KRT86: variants seen among roughly 807,000 people sequenced by gnomAD.
KRT86 encodes keratin 86.
KRT86 carries 30 observed loss-of-function variants against 41.2 expected under a neutral mutation model. That is an observed-to-expected ratio of 0.73 (90% CI 0.54 to 0.99). The LOEUF is 0.99. Ranked by LOEUF, KRT86 falls within the 50% of genes least tolerant of loss-of-function variation. The pLI is 0.00. For synonymous variants in KRT86, 238 were observed against 238.1 expected (o/e 1.00, Z 0.00); for missense variants, 561 against 571.4 (o/e 0.98, Z 0.19).
intron 2 of KRT86, among the ~76,000 whole-genome samples, chr12:52,280,859 A>G (rs1196857379): frequency 6.6e-6 from 1 of 152,122 alleles, no homozygotes; most frequent in Non-Finnish European, 1.5e-5. Context: ...TGCTATGATG[A>G]TCATGTCAAC....
At chr12:52,291,479 G>C in intron 2 of KRT86, 3 of 1,612,568 alleles carry the variant, frequency 1.9e-6, no homozygotes, top group East Asian at 2.2e-5. Context: ...CCTCCTGGAC[G>C]TTTGGGTTGC....
chr12:52,282,483 G>A (rs1260144530), intron 2 of KRT86, among the ~76,000 whole-genome samples: 3 of 152,116 alleles, frequency 2.0e-5, no homozygotes, highest in East Asian at 1.9e-4. Flanking sequence ...TGATCCGCCC[G>A]CCTCAGCCTC....
chr12:52,277,006 T>C (rs973790656), intron 2 of KRT86, among the ~76,000 whole-genome samples: 3 of 152,072 alleles, frequency 2.0e-5, no homozygotes, highest in Non-Finnish European at 4.4e-5. Context: ...AGTGAGTGGG[T>C]GGGCCATCAT....
At chr12:52,291,642 G>T in intron 2 of KRT86, 1 of 895,260 alleles carries the variant, frequency 1.1e-6, no homozygotes, top group Non-Finnish European at 1.7e-6. Context: ...TGGTTAGCCG[G>T]GTCTAACGCC....
At chr12:52,285,670 T>C (rs1937902258) in intron 2 of KRT86, among the ~76,000 whole-genome samples, 1 of 152,214 alleles carries the variant, frequency 6.6e-6, no homozygotes, top group South Asian at 2.1e-4. Flanking sequence ...GCCCCAATTA[T>C]TGAGTGCCTC....
chr12:52,291,628 T>C, intron 2 of KRT86: 1 of 1,136,510 alleles, frequency 8.8e-7, no homozygotes, highest in African/African-American at 1.6e-5. Flanking sequence ...TTTATGGGCT[T>C]GGGTGGTTAG....
chr12:52,304,735 A>T (rs577190516), intron 5 of KRT86, among the ~76,000 whole-genome samples, 197 bp from the exon 6 acceptor site: 2 of 151,952 alleles, frequency 1.3e-5, no homozygotes, highest in South Asian at 4.2e-4. Context: ...AGCCGTGCCC[A>T]AGACAAACAG....
At chr12:52,307,427 G>A (rs1470356653) in intron 9 of KRT86, among the ~76,000 whole-genome samples, 2 of 152,212 alleles carry the variant, frequency 1.3e-5, no homozygotes, top group African/African-American at 4.8e-5. Flanking sequence ...ACCTGGGCAT[G>A]GAATGATTTG....
rs750775368 is a variant in KRT86 at position 52,305,683 on chromosome 12, G to A, written c.921G>A (p.Thr307=). ...CCCAGTGTGAGGAGATGAAGGCCAC[G>A]GTGATCAGGCACGGGGAGACCCTGC... is the stretch of plus-strand genomic sequence containing the variant. The part of the protein sequence containing the change: ...YRSKCEEMKA[T]VIRHGETLRR... The change falls in exon 8 of 11, where the codon ACG becomes ACA. Residue 307 remains threonine, a synonymous_variant. Coordinates refer to ENST00000423955, the MANE Select transcript of KRT86 (RefSeq NM_001320198.2). 18 of 1,614,078 alleles carry A rather than the reference G, an allele frequency of 1.1e-5. No homozygotes were observed. Among genetic ancestry groups the A allele is most frequent in the Middle Eastern group, 1.7e-4 (1 of 6,058 alleles).
At chr12:52,291,340 G>A (rs1938113863) in intron 2 of KRT86, 10 of 1,571,700 alleles carry the variant, frequency 6.4e-6, no homozygotes, top group African/African-American at 1.4e-5. Context: ...CGAAGCCCCC[G>A]GTGAGGCCGC....
At chr12:52,278,221 TCAC>T (rs1394002047) in intron 2 of KRT86, among the ~76,000 whole-genome samples, 2 of 151,992 alleles carry the variant, frequency 1.3e-5, no homozygotes, top group East Asian at 3.9e-4. Flanking sequence ...ATTGCATTGA[TCAC>T]CTCCTTTAAC....
intron 10 of KRT86, 25 bp from the exon 11 acceptor site, chr12:52,308,379 G>T (rs866999437): frequency 6.2e-7 from 1 of 1,611,150 alleles, no homozygotes; most frequent in African/African-American, 1.3e-5. Context: ...CGCCTGACGC[G>T]CGCCTCCGTC....
At chr12:52,286,334 C>G in intron 2 of KRT86, 2 of 1,554,924 alleles carry the variant, frequency 1.3e-6, no homozygotes, top group Non-Finnish European at 8.7e-7. Flanking sequence ...GCAGGAACCC[C>G]CTCCGCAGGT....
intron 2 of KRT86, chr12:52,286,956 ACT>A: frequency 9.1e-6 from 14 of 1,541,682 alleles, no homozygotes; most frequent in Middle Eastern, 1.8e-4. Context: ...CCTCAGACAA[ACT>A]CACACACCAG....
chr12:52,307,772 A>T (rs915983324), intron 9 of KRT86, among the ~76,000 whole-genome samples: 11 of 152,216 alleles, frequency 7.2e-5, no homozygotes, highest in Non-Finnish European at 1.5e-4. Context: ...TACCCTCCTG[A>T]TGCCTATAAT....
chr12:52,288,020 G>A (rs758981953), intron 2 of KRT86: 24 of 1,614,102 alleles, frequency 1.5e-5, no homozygotes, highest in East Asian at 4.5e-5. Flanking sequence ...CGGCCCGGCT[G>A]CGGGTGACAA....
intron 2 of KRT86, among the ~76,000 whole-genome samples, chr12:52,284,914 A>G (rs1020452370): frequency 6.6e-5 from 10 of 152,166 alleles, no homozygotes; most frequent in African/African-American, 2.4e-4. Context: ...CCTGGTAACC[A>G]CGGAGGTTTC....
intron 2 of KRT86, among the ~76,000 whole-genome samples, chr12:52,284,390 G>A (rs1028132791): frequency 9.9e-5 from 15 of 152,154 alleles, no homozygotes; most frequent in Non-Finnish European, 1.9e-4. Context: ...GAGTCTCACT[G>A]TATTGTCTGG....
At chr12:52,297,925 A>C (rs1229802607) in intron 2 of KRT86, among the ~76,000 whole-genome samples, 1 of 152,162 alleles carries the variant, frequency 6.6e-6, no homozygotes, top group Non-Finnish European at 1.5e-5. Context: ...CCTCAACCTC[A>C]TGAAATCCTC....
Sources: allele counts gnomAD v4.1 joint callset (sites outside exome capture counted in the v4.1 genomes callset), GRCh38; gene constraint gnomAD v4.1.1; transcripts MANE v1.5; gene names NCBI Gene and HGNC (gene_info 2026-07-23, HGNC 2026-07-21).